The following DIS3L variants were observed in gnomAD, a reference collection of about 807,000 sequenced individuals.
The protein encoded by DIS3L is DIS3-like exonuclease 1.
A neutral mutation model predicts 120.3 loss-of-function variants in DIS3L; 100 were observed. That is an observed-to-expected ratio of 0.83 (90% CI 0.71 to 0.98). The LOEUF is 0.98. Ranked by LOEUF, DIS3L falls within the 50% of genes least tolerant of loss-of-function variation. DIS3L has a pLI of 0.00. For synonymous variants in DIS3L, 426 were observed against 470.6 expected (o/e 0.91, Z 1.23); for missense variants, 1,196 against 1,314.2 (o/e 0.91, Z 1.39).
rs1253532576 is a variant in DIS3L at position 66,332,730 on chromosome 15, A to T, written c.2682-6A>T. On this transcript the variant is annotated splice_polypyrimidine_tract_variant and splice_region_variant and intron_variant, in intron 15 of 16. Transcript: ENST00000319212. ...TCTCTGGATTTATATTCTGGTCATA[A>T]TATAGGTTTGGGATTAAAGGTGCTG... is the stretch of plus-strand genomic sequence containing the variant. 6.2e-7 allele frequency: 1 copy of T among 1,608,674 alleles called. No individual in the cohort carries two copies. Among genetic ancestry groups the T allele is most frequent in the East Asian group, 2.2e-5 (1 of 44,830 alleles).
chr15:66,294,841 G>A, intron 1 of DIS3L, 147 bp from the exon 2 acceptor site: 1 of 818,738 alleles, frequency 1.2e-6, no homozygotes, highest in African/African-American at 1.7e-5. Flanking sequence ...TGAACTTTGG[G>A]CCTCTACCAA....
chr15:66,317,433 G>C (rs1302765372), intron 7 of DIS3L, among the ~76,000 whole-genome samples: 2 of 151,716 alleles, frequency 1.3e-5, no homozygotes, highest in Admixed American at 6.6e-5. Flanking sequence ...AAAGTGTTGT[G>C]TATCAGTCTT....
chr15:66,315,005 A>G (rs1434021708), intron 6 of DIS3L, 31 bp from the exon 7 acceptor site: 4 of 1,605,422 alleles, frequency 2.5e-6, no homozygotes, highest in Non-Finnish European at 3.4e-6. Context: ...CCTTGGCTTT[A>G]TGGGTTTTTT....
At chr15:66,294,448 G>A (rs1416742771) in intron 1 of DIS3L, 41 of 986,186 alleles carry the variant, frequency 4.2e-5, no homozygotes, top group Non-Finnish European at 4.3e-5. Context: ...TTGTGATTAA[G>A]GTGAACATTT....
chr15:66,328,902 TC>T, intron 12 of DIS3L, 67 bp from the exon 13 acceptor site: 22 of 1,534,910 alleles, frequency 1.4e-5, no homozygotes, highest in Non-Finnish European at 1.9e-5. Flanking sequence ...AGTGAAGGGT[TC>T]CCCTCAAAGT....
At chr15:66,319,160 A>T (rs1469446443) in intron 8 of DIS3L, among the ~76,000 whole-genome samples, 1 of 151,498 alleles carries the variant, frequency 6.6e-6, no homozygotes, top group Non-Finnish European at 1.5e-5. Flanking sequence ...CTGGTCTTGA[A>T]CTCCTGACCT....
Position 66,325,950 on chromosome 15 carries a change from T to C in DIS3L, c.1787T>C (p.Leu596Pro). 1 of 1,614,192 alleles carries C rather than the reference T, an allele frequency of 6.2e-7. No individual in the cohort carries two copies. Among genetic ancestry groups the C allele is most frequent in the Non-Finnish European group, 8.5e-7 (1 of 1,180,036 alleles). The stretch of plus-strand genomic sequence containing the variant: ...CTGTTCTATGAAGCAGCCCAAGAAC[T>C]ACTGGATGGAAACTTAAGCGTTGTT... Reference protein sequence around the residue: ...YKLFYEAAQELLDGNLSVVDD... With the variant: ...YKLFYEAAQEPLDGNLSVVDD... Residue 596 changes from leucine (L) to proline (P), a missense_variant, in exon 12 of 17, where the codon CTA (leucine) becomes CCA (proline). Leu to Pro is a moderately conservative substitution (Grantham distance 98). Coordinates refer to ENST00000319212, the MANE Select transcript of DIS3L (RefSeq NM_001143688.3).
intron 5 of DIS3L, among the ~76,000 whole-genome samples, chr15:66,313,188 G>T (rs1272017638): frequency 2.6e-5 from 4 of 151,782 alleles, no homozygotes; most frequent in Non-Finnish European, 5.9e-5. Flanking sequence ...TAGAGACGGG[G>T]TTTCACCATG....
upstream of DIS3L, chr15:66,293,408 AGG>A: frequency 1.8e-6 from 2 of 1,117,520 alleles, no homozygotes; most frequent in Non-Finnish European, 2.2e-6. Context: ...CAGGCCACTG[AGG>A]GAAGGGAAGA....
At position 66,323,368 on chromosome 15, in the gene DIS3L, A is replaced by G. The variant is rs141421616; in HGVS notation, c.1575-125A>G. ...ATTACCCAGTCTGCTGCACTTTATG[A>G]AACAGCAACAGCCTTGGGGAATCTG... On this transcript the variant is annotated intron_variant, in intron 10 of 16. Transcript: ENST00000319212. The G allele has an allele frequency of 7.8e-4, 707 of 904,410 alleles. 1 individual carries two copies. Among genetic ancestry groups the G allele is most frequent in the Non-Finnish European group, 9.9e-4 (563 of 567,936 alleles). 56.0% of individuals were successfully genotyped at this position (904,410 alleles called of 1,614,324 possible).
At chr15:66,301,810 G>A (rs2140327608) in intron 2 of DIS3L, among the ~76,000 whole-genome samples, 1 of 152,030 alleles carries the variant, frequency 6.6e-6, no homozygotes, top group African/African-American at 2.4e-5. Flanking sequence ...CACTCAGAGT[G>A]ATTCGCTGTT....
At position 66,332,019 on chromosome 15, in the gene DIS3L, A is replaced by C; in HGVS notation, c.2680A>C (p.Arg894=). Residue 894 remains arginine (R), a splice_region_variant and synonymous_variant, in exon 15 of 17, where the codon AGG becomes CGG. Transcript: ENST00000319212. The stretch of plus-strand genomic sequence containing the variant: ...AAATGGTGTGCTTCTATTTATACCA[A>C]GGTATGTTACATCTAATGCAATGGT... ...RTNGVLLFIP[R]FGIKGAAYLK... The C allele has an allele frequency of 1.9e-6, 3 of 1,607,530 alleles. No individual in the cohort carries two copies. In the South Asian group the frequency reaches 3.3e-5, roughly 18 times the overall value.
At chr15:66,317,336 T>C (rs550684486) in intron 7 of DIS3L, among the ~76,000 whole-genome samples, 1 of 137,018 alleles carries the variant, frequency 7.3e-6, no homozygotes, top group South Asian at 2.3e-4. Context: ...GCTCAGTAAA[T>C]ATTTGTGGGA....
Position 66,315,041 on chromosome 15 carries a change from G to T in DIS3L, c.820G>T (p.Val274Phe). 1 of 1,613,864 alleles carries T rather than the reference G, an allele frequency of 6.2e-7. No individual in the cohort carries two copies. The highest frequency in any genetic ancestry group is 8.5e-7 in the Non-Finnish European group (1 of 1,179,804). The change falls in exon 7 of 17, where the codon GTC (valine) becomes TTC (phenylalanine). Residue 274 changes from valine (V) to phenylalanine (F), a missense_variant. Coordinates refer to ENST00000319212, the MANE Select transcript of DIS3L (RefSeq NM_001143688.3). ...CTGTGCTGCCCCAAACACAGATTTA[G>T]TCAGTGACATCCTAATCCACGGGAT... ...QGASSKDSDLVSDILIHGMKA... is the reference protein window; with the variant it reads ...QGASSKDSDLFSDILIHGMKA...
intron 6 of DIS3L, 91 bp downstream of exon 6, chr15:66,314,208 A>G (rs1004178202): frequency 9.2e-7 from 1 of 1,090,248 alleles, no homozygotes; most frequent in Non-Finnish European, 1.2e-6. Flanking sequence ...GTCATGTCAT[A>G]TGTGCCCTGT....
chr15:66,332,726 C>A lies in DIS3L; in HGVS notation c.2682-10C>A. On this transcript the variant is annotated splice_polypyrimidine_tract_variant and intron_variant, in intron 15 of 16. Transcript: ENST00000319212. ...ATTGTCTCTGGATTTATATTCTGGT[C>A]ATAATATAGGTTTGGGATTAAAGGT... The A allele has an allele frequency of 6.2e-7, 1 of 1,601,526 alleles. No individual in the cohort carries two copies. Among genetic ancestry groups the A allele is most frequent in the South Asian group, 1.1e-5 (1 of 89,452 alleles).
chr15:66,332,485 A>AGG (rs2093009585), intron 15 of DIS3L, among the ~76,000 whole-genome samples: 1 of 109,748 alleles, frequency 9.1e-6, no homozygotes, highest in Non-Finnish European at 1.9e-5. Flanking sequence ...TGAAGACTGG[A>AGG]GTGTGTGTGT....
intron 4 of DIS3L, 117 bp from the exon 5 acceptor site, chr15:66,311,607 T>C (rs2092762163): frequency 1.7e-6 from 2 of 1,207,958 alleles, no homozygotes; most frequent in East Asian, 4.7e-5. Flanking sequence ...TCCTGCTCAC[T>C]GAGCACCCCC....
Position 66,306,839 on chromosome 15 carries a change from G to A in DIS3L, c.309G>A (p.Leu103=), listed in dbSNP as rs2092707293. 1.2e-6 allele frequency: 2 copies of A among 1,614,116 alleles called. No individual in the cohort carries two copies. The highest frequency in any genetic ancestry group is 1.7e-6 in the Non-Finnish European group (2 of 1,179,994). ...CGTGTCACAGACAGTATAACAAACT[G>A]CGAAACCTGCTGAAGGATGCGCGTC... The part of the protein sequence containing the change: ...HQRGRRQYNK[L]RNLLKDARHD... The change falls in exon 3 of 17, where the codon CTG becomes CTA. Residue 103 remains leucine, a synonymous_variant. Coordinates refer to ENST00000319212, the MANE Select transcript of DIS3L (RefSeq NM_001143688.3).
Sources: gnomAD v4.1 joint callset for allele counts (sites outside exome capture counted in the v4.1 genomes callset) on GRCh38, gnomAD v4.1.1 for gene constraint, MANE v1.5 for transcripts, NCBI Gene and HGNC (gene_info 2026-07-23, HGNC 2026-07-21) for gene names.